The following EPHB2 variants were observed in gnomAD, a reference collection of about 807,000 sequenced individuals.
EPHB2 encodes EPH receptor B2, also known as ephrin type-B receptor 2.
Under a neutral mutation model 96.4 loss-of-function variants are expected in EPHB2, and 18 were observed. The observed-to-expected ratio is 0.19, with a 90% CI of 0.13 to 0.28. The LOEUF is 0.28. Ranked by LOEUF, EPHB2 falls within the 10% of genes least tolerant of loss-of-function variation. The probability of loss-of-function intolerance (pLI) is 1.00; values close to 1 mark genes in which losing one functional copy is unlikely to be tolerated. For missense variants in EPHB2, 989 were observed against 1,355.4 expected, an observed-to-expected ratio of 0.73 and a Z score of 4.25; for synonymous variants, 506 against 534.1, an observed-to-expected ratio of 0.95 and a Z score of 0.72.
In EPHB2 at chr1:22,913,832, T is replaced by C; in HGVS notation, c.*262T>C. 1 of 1,610,310 alleles carries C rather than the reference T, an allele frequency of 6.2e-7. No individual in the cohort carries two copies. Among genetic ancestry groups the C allele is most frequent in the Non-Finnish European group, 8.5e-7 (1 of 1,178,600 alleles). On this transcript the variant is annotated 3_prime_UTR_variant, in exon 16 of 16. Coordinates refer to ENST00000374630, the MANE Select transcript of EPHB2 (RefSeq NM_017449.5). The surrounding 1 kb of genome is among the most constrained non-coding windows in gnomAD (Gnocchi z 4.1). ...ACAAGGAATATTTTTTAAAGAGGATTCTCATAAGGAAAGCAATGACTGTTC... is the reference window on the plus strand; with the variant it reads ...ACAAGGAATATTTTTTAAAGAGGATCCTCATAAGGAAAGCAATGACTGTTC...
At chr1:22,786,170 CTT>C (rs1184360396) in intron 3 of EPHB2, among the ~76,000 whole-genome samples, 1 of 152,182 alleles carries the variant, frequency 6.6e-6, no homozygotes, top group Non-Finnish European at 1.5e-5. Flanking sequence ...GCGGTATCAC[CTT>C]GGCCAAGTGT....
Position 22,914,095 on chromosome 1 carries a change from C to T in EPHB2, c.*525C>T, listed in dbSNP as rs1640202137. On this transcript the variant is annotated 3_prime_UTR_variant, in exon 16 of 16. Transcript: ENST00000374630. ...GACGGGACAGATGGACAGACAGCCA[C>T]CCTGAGAACCCCTCTGGGAAAATCT... 1.9e-6 allele frequency: 1 copy of T among 539,226 alleles called. No individual in the cohort carries two copies. Among genetic ancestry groups the T allele is most frequent in the East Asian group, 3.1e-5 (1 of 31,986 alleles). 33.4% of individuals were successfully genotyped at this position (539,226 alleles called of 1,614,324 possible).
chr1:22,833,377 C>A (rs1442764957), intron 3 of EPHB2, among the ~76,000 whole-genome samples: 1 of 152,110 alleles, frequency 6.6e-6, no homozygotes, highest in Non-Finnish European at 1.5e-5. Context: ...CTCGGCCTCC[C>A]AAAGTGCTGG....
chr1:22,732,390 G>C (rs1643737943), intron 1 of EPHB2, among the ~76,000 whole-genome samples: 1 of 151,034 alleles, frequency 6.6e-6, no homozygotes. Flanking sequence ...CGCGTGGGGG[G>C]CCGGAGGGCG....
At chr1:22,882,737 A>T in intron 6 of EPHB2, 1 of 451,300 alleles carries the variant, frequency 2.2e-6, no homozygotes, top group Non-Finnish European at 4.1e-6. Context: ...ATCTCAGTGA[A>T]ATGCAACAGT....
chr1:22,892,911 A>G lies in EPHB2; in HGVS notation c.1456A>G (p.Ile486Val). ...KELSEYNATA[I>V]KSPTNTVTVQ... ...GCTCAGTGAGTACAACGCCACAGCC[A>G]TAAAAAGCCCCACCAACACGGTCAC... Residue 486 changes from isoleucine (I) to valine (V), a missense_variant, in exon 7 of 16, where the codon ATA (isoleucine) becomes GTA (valine). Transcript: ENST00000374630. 1 of 1,614,216 alleles carries G rather than the reference A, an allele frequency of 6.2e-7. No homozygotes were observed. Among genetic ancestry groups the G allele is most frequent in the Non-Finnish European group, 8.5e-7 (1 of 1,180,036 alleles).
At chr1:22,878,485 C>G (rs1345472147) in intron 5 of EPHB2, among the ~76,000 whole-genome samples, 1 of 152,194 alleles carries the variant, frequency 6.6e-6, no homozygotes, top group Non-Finnish European at 1.5e-5. Flanking sequence ...TCTCCGGAGC[C>G]CCAGCACCCC....
chr1:22,837,792 C>T (rs979246899), intron 3 of EPHB2, among the ~76,000 whole-genome samples: 12 of 152,146 alleles, frequency 7.9e-5, no homozygotes, highest in Non-Finnish European at 1.6e-4. Context: ...ACCCCCATTC[C>T]TTGGAAGGGC....
chr1:22,767,308 G>A (rs558181695), intron 1 of EPHB2, among the ~76,000 whole-genome samples: 68 of 152,262 alleles, frequency 4.5e-4, no homozygotes, highest in Middle Eastern at 3.4e-3. Flanking sequence ...CCTTCCCGAC[G>A]CCACTACCTG....
intron 1 of EPHB2, among the ~76,000 whole-genome samples, chr1:22,738,724 A>G (rs758380102): frequency 2.6e-5 from 4 of 152,190 alleles, no homozygotes; most frequent in African/African-American, 7.2e-5. Context: ...GCATTCAACA[A>G]TTGTTTACTG....
chr1:22,803,939 G>A (rs943546728), intron 3 of EPHB2, among the ~76,000 whole-genome samples: 1 of 151,428 alleles, frequency 6.6e-6, no homozygotes, highest in African/African-American at 2.4e-5. Context: ...AGTGTTTAGA[G>A]ATAGTGGTTA....
chr1:22,877,864 C>G (rs1415417461), intron 5 of EPHB2, among the ~76,000 whole-genome samples: 1 of 152,234 alleles, frequency 6.6e-6, no homozygotes, highest in African/African-American at 2.4e-5. Context: ...GCTAGAAATG[C>G]ACATTCTCAG....
chr1:22,847,764 A>G (rs142042843), intron 3 of EPHB2, among the ~76,000 whole-genome samples: 2 of 133,608 alleles, frequency 1.5e-5, no homozygotes, highest in East Asian at 4.6e-4. Context: ...TCCCAGATCA[A>G]CTGTCTCACC....
intron 1 of EPHB2, among the ~76,000 whole-genome samples, chr1:22,724,790 G>T (rs923200076): frequency 6.6e-6 from 1 of 152,164 alleles, no homozygotes; most frequent in Non-Finnish European, 1.5e-5. Context: ...ATAGAGTCCG[G>T]TGGACTTGGA....
At chr1:22,891,614 C>T (rs935691065) in intron 6 of EPHB2, among the ~76,000 whole-genome samples, 6 of 152,338 alleles carry the variant, frequency 3.9e-5, no homozygotes, top group East Asian at 1.9e-4. Flanking sequence ...TCTCCACTCC[C>T]ACTGCAGCAG....
At chr1:22,796,560 C>T (rs895242056) in intron 3 of EPHB2, among the ~76,000 whole-genome samples, 1 of 152,150 alleles carries the variant, frequency 6.6e-6, no homozygotes, top group Admixed American at 6.5e-5. Context: ...TCCTCTCTGT[C>T]CCCCCCATCC....
intron 3 of EPHB2, among the ~76,000 whole-genome samples, chr1:22,785,807 C>A (rs1644602949): frequency 6.6e-6 from 1 of 152,204 alleles, no homozygotes; most frequent in South Asian, 2.1e-4. Flanking sequence ...CCCACGACTC[C>A]CCCTTGTACT....
At chr1:22,726,485 A>G (rs1391030831) in intron 1 of EPHB2, among the ~76,000 whole-genome samples, 1 of 150,588 alleles carries the variant, frequency 6.6e-6, no homozygotes, top group Non-Finnish European at 1.5e-5. Context: ...CAGTGGCATG[A>G]TCTTGGCTCA....
Position 22,710,937 on chromosome 1 carries a change from T to C in EPHB2, c.-46T>C, listed in dbSNP as rs2148324648. 6.7e-6 allele frequency: 1 copy of C among 148,758 alleles called. No homozygotes were observed. The highest frequency in any genetic ancestry group is 1.5e-5 in the Non-Finnish European group (1 of 67,182). 9.2% of individuals were successfully genotyped at this position (148,758 alleles called of 1,614,324 possible). On this transcript the variant is annotated 5_prime_UTR_variant, in exon 1 of 16. Transcript: ENST00000374630. ...GGGGCGCGCGCTCCCGCCCGGGCCG[T>C]CCGGGCCCCGCGGCGCCGCGGCCCG... is the stretch of plus-strand genomic sequence containing the variant.
Sources: allele counts gnomAD v4.1 joint callset (sites outside exome capture counted in the v4.1 genomes callset), GRCh38; gene constraint gnomAD v4.1.1; non-coding constraint Gnocchi (gnomAD v3.1); transcripts MANE v1.5; gene names NCBI Gene and HGNC (gene_info 2026-07-23, HGNC 2026-07-21).